SLC60A1: variants seen among roughly 807,000 people sequenced by gnomAD.
SLC60A1 encodes major facilitator superfamily domain containing 4.
chr1:205,581,021 G>C, the SLC60A1 span: 1 of 1,451,548 alleles, frequency 6.9e-7, no homozygotes, highest in Non-Finnish European at 9.2e-7. The surrounding 1 kb of genome is among the most constrained non-coding windows in gnomAD (Gnocchi z 4.2). Context: ...GCTGAGAAAC[G>C]TGCTGGGGCT....
At chr1:205,582,575 G>A in the SLC60A1 span, among the ~76,000 whole-genome samples, 2 of 152,204 alleles carry the variant, frequency 1.3e-5, no homozygotes, top group South Asian at 2.1e-4. Flanking sequence ...CCACCTGAGC[G>A]ATCACGCCTC....
chr1:205,577,832 G>T, the SLC60A1 span, among the ~76,000 whole-genome samples: 2 of 152,226 alleles, frequency 1.3e-5, no homozygotes, highest in African/African-American at 4.8e-5. The surrounding 1 kb of genome is among the most constrained non-coding windows in gnomAD (Gnocchi z 5.2). Context: ...GGCTCTGTCT[G>T]CTGCTATCTT....
the SLC60A1 span, among the ~76,000 whole-genome samples, chr1:205,583,239 T>C: frequency 6.6e-6 from 1 of 152,158 alleles, no homozygotes; most frequent in Non-Finnish European, 1.5e-5. Context: ...GGAGTTCCGA[T>C]TTAGCATAAA....
At chr1:205,584,217 G>GATTT in the SLC60A1 span, 1,017 of 689,170 alleles carry the variant, frequency 1.5e-3, 14 homozygotes, top group African/African-American at 0.023. Flanking sequence ...GATCACAGGT[G>GATTT]ATTTTTTTTT....
chr1:205,593,205 T>G, the SLC60A1 span, among the ~76,000 whole-genome samples: 1 of 152,014 alleles, frequency 6.6e-6, no homozygotes, highest in Non-Finnish European at 1.5e-5. Flanking sequence ...GCGGGGTGGC[T>G]CACGCCTGTA....
the SLC60A1 span, chr1:205,569,133 T>C: frequency 6.5e-7 from 1 of 1,533,464 alleles, no homozygotes; most frequent in Non-Finnish European, 8.8e-7. Flanking sequence ...GCTCACCTAC[T>C]GGAGCGTCTT....
At chr1:205,586,062 A>G in the SLC60A1 span, 3 of 1,611,150 alleles carry the variant, frequency 1.9e-6, no homozygotes, top group East Asian at 2.2e-5. Flanking sequence ...GTGTACAGCT[A>G]TGCTGTGGAG....
chr1:205,577,170 C>T, the SLC60A1 span, among the ~76,000 whole-genome samples: 1 of 152,162 alleles, frequency 6.6e-6, no homozygotes, highest in African/African-American at 2.4e-5. The surrounding 1 kb of genome is among the most constrained non-coding windows in gnomAD (Gnocchi z 5.2). Context: ...CCAATCCCCA[C>T]TGTACACCGG....
At chr1:205,579,541 C>G in the SLC60A1 span, 2 of 611,014 alleles carry the variant, frequency 3.3e-6, no homozygotes, top group East Asian at 5.5e-5. Context: ...GTGAAGTGTC[C>G]TGCAGCCACC....
the SLC60A1 span, chr1:205,569,387 G>C: frequency 2.1e-6 from 2 of 975,390 alleles, no homozygotes; most frequent in Non-Finnish European, 2.6e-6. Flanking sequence ...CCGCGACCCG[G>C]CCTCTCCCCC....
the SLC60A1 span, chr1:205,583,840 C>T: frequency 2.9e-6 from 4 of 1,363,210 alleles, no homozygotes; most frequent in East Asian, 7.1e-5. Context: ...GCTGGGCACC[C>T]TTAGAAAAGA....
At chr1:205,591,959 G>A in the SLC60A1 span, 1 of 743,412 alleles carries the variant, frequency 1.3e-6, no homozygotes, top group Non-Finnish European at 2.1e-6. Flanking sequence ...CCAGATGTCA[G>A]AACGGTCCCC....
chr1:205,579,472 T>C, the SLC60A1 span: 1 of 568,012 alleles, frequency 1.8e-6, no homozygotes, highest in East Asian at 2.8e-5. Flanking sequence ...GTAAACAATT[T>C]AGGGTTTAAG....
At chr1:205,570,697 A>G in the SLC60A1 span, among the ~76,000 whole-genome samples, 1 of 152,230 alleles carries the variant, frequency 6.6e-6, no homozygotes, top group Non-Finnish European at 1.5e-5. Flanking sequence ...GGATTGGAAT[A>G]TACAGAAGAT....
At chr1:205,588,517 CT>C in the SLC60A1 span, among the ~76,000 whole-genome samples, 2 of 151,130 alleles carry the variant, frequency 1.3e-5, no homozygotes, top group Admixed American at 6.6e-5. Context: ...TCATGGACCC[CT>C]ACCCCAGAGA....
the SLC60A1 span, chr1:205,599,199 C>T: frequency 6.2e-7 from 1 of 1,614,066 alleles, no homozygotes; most frequent in South Asian, 1.1e-5. Flanking sequence ...TGGCTTTTAC[C>T]TTCTATATCT....
chr1:205,583,838 C>T, the SLC60A1 span: 2 of 1,343,984 alleles, frequency 1.5e-6, no homozygotes, highest in South Asian at 1.6e-5. Flanking sequence ...TAGCTGGGCA[C>T]CCTTAGAAAA....
At chr1:205,598,977 C>T in the SLC60A1 span, 238 of 1,022,956 alleles carry the variant, frequency 2.3e-4, 3 homozygotes, top group East Asian at 5.4e-3. Flanking sequence ...GAAACAAGGC[C>T]AAGGCCTCCC....
the SLC60A1 span, chr1:205,598,765 TAA>T: frequency 4.9e-6 from 1 of 203,416 alleles, no homozygotes; most frequent in African/African-American, 2.4e-5. Flanking sequence ...ATTCTCATAA[TAA>T]AAGAGTAAAA....
Sources: gnomAD v4.1 joint callset for allele counts (sites outside exome capture counted in the v4.1 genomes callset) on GRCh38, gnomAD v4.1.1 for gene constraint, Gnocchi (gnomAD v3.1) non-coding constraint, MANE v1.5 for transcripts, NCBI Gene and HGNC (gene_info 2026-07-23, HGNC 2026-07-21) for gene names.